Variants in PCDHA8 observed in about 807,000 individuals in gnomAD.
PCDHA8 encodes the protein protocadherin alpha 8.
Under a neutral mutation model 61.8 loss-of-function variants are expected in PCDHA8, and 53 were observed. That is an observed-to-expected ratio of 0.86 (90% CI 0.69 to 1.08). The LOEUF is 1.08. Ranked by LOEUF, PCDHA8 falls within the 50% of genes least tolerant of loss-of-function variation. The pLI is 0.00. For missense variants in PCDHA8, 1,293 were observed against 1,245.0 expected, an observed-to-expected ratio of 1.04 and a Z score of -0.58; for synonymous variants, 618 against 556.6, an observed-to-expected ratio of 1.11 and a Z score of -1.55.
chr5:140,848,884 C>T, intron 1 of PCDHA8: 2 of 1,591,388 alleles, frequency 1.3e-6, no homozygotes, highest in South Asian at 1.1e-5. Flanking sequence ...AACGACAACC[C>T]TCCAGTGTTC....
intron 3 of PCDHA8, among the ~76,000 whole-genome samples, chr5:140,987,826 G>T (rs1481540038): frequency 6.6e-6 from 1 of 152,014 alleles, no homozygotes; most frequent in Non-Finnish European, 1.5e-5. Flanking sequence ...TTTCCTTAGG[G>T]GATTGCTTTT....
intron 1 of PCDHA8, chr5:140,967,630 C>T (rs1278035224): frequency 3.7e-6 from 6 of 1,613,982 alleles, no homozygotes; most frequent in Non-Finnish European, 5.1e-6. Context: ...ATGAGGGCTC[C>T]AATGGTGAGC....
chr5:140,967,836 A>G, intron 1 of PCDHA8: 1 of 1,614,136 alleles, frequency 6.2e-7, no homozygotes, highest in African/African-American at 1.3e-5. Flanking sequence ...GACATCGTGG[A>G]CGTGAATGAC....
chr5:140,870,560 A>G, intron 1 of PCDHA8: 1 of 1,614,000 alleles, frequency 6.2e-7, no homozygotes, highest in Middle Eastern at 1.7e-4. Flanking sequence ...GCGCAGGAGA[A>G]CGCGCTGGTG....
chr5:140,863,163 G>A (rs1554157882), intron 1 of PCDHA8: 4 of 658,702 alleles, frequency 6.1e-6, no homozygotes, highest in Non-Finnish European at 1.1e-5. Flanking sequence ...ACTGCGAGCT[G>A]GCGCTGACTG....
chr5:140,882,020 C>CA, intron 1 of PCDHA8: 1 of 561,726 alleles, frequency 1.8e-6, no homozygotes, highest in East Asian at 3.1e-5. Context: ...AATACTACAT[C>CA]AATGGAAAAT....
At chr5:140,932,633 A>T (rs1192123242) in intron 1 of PCDHA8, among the ~76,000 whole-genome samples, 1 of 151,912 alleles carries the variant, frequency 6.6e-6, no homozygotes, top group African/African-American at 2.4e-5. Flanking sequence ...ACACTAAAAA[A>T]CTTTAGAATG....
chr5:140,915,634 CT>C (rs782528552), intron 1 of PCDHA8, among the ~76,000 whole-genome samples: 9 of 150,114 alleles, frequency 6.0e-5, no homozygotes, highest in Non-Finnish European at 1.3e-4. Context: ...CTGTCTCTCT[CT>C]CTCTCTCTCT....
chr5:140,914,928 T>C lies in PCDHA8; in HGVS notation c.2395-64021T>C, dbSNP rs75399267. On this transcript the variant is annotated intron_variant, in intron 1 of 3. Coordinates refer to ENST00000531613, the MANE Select transcript of PCDHA8 (RefSeq NM_018911.3). ...TGTTTCTCTGTGTCTTATTGTACTA[T>C]GTTGTGAAAAGTTGTCTTTTTTTTT... Among the ~76,000 whole-genome samples the C allele has an allele frequency of 4.6e-3, 691 of 150,904 alleles. 3 individuals carry two copies. The highest frequency in any genetic ancestry group is 0.016 in the African/African-American group (668 of 41,182).
In PCDHA8 at chr5:140,967,658, A is replaced by C. The variant is rs1554229743; in HGVS notation, c.2395-11291A>C. ...TGGTGAGCTCAGGTACTCCTTGAGC[A>C]GCTACACGTCGGACCGGGAGAGGCA... On this transcript the variant is annotated intron_variant, in intron 1 of 3. Coordinates refer to ENST00000531613, the MANE Select transcript of PCDHA8 (RefSeq NM_018911.3). 3 of 1,614,058 alleles carry C rather than the reference A, an allele frequency of 1.9e-6. No individual in the cohort carries two copies. The highest frequency in any genetic ancestry group is 1.7e-5 in the Admixed American group (1 of 60,008).
rs781982422 is a variant in PCDHA8 at position 140,871,325 on chromosome 5, C to T, written c.2394+27610C>T. 4 of 1,613,988 alleles carry T rather than the reference C, an allele frequency of 2.5e-6. No individual in the cohort carries two copies. Among genetic ancestry groups the T allele is most frequent in the Non-Finnish European group, 3.4e-6 (4 of 1,180,038 alleles). On this transcript the variant is annotated intron_variant, in intron 1 of 3. Coordinates refer to ENST00000531613, the MANE Select transcript of PCDHA8 (RefSeq NM_018911.3). ...CCGGGGAAGCCCACGCTGGTGTGCTCCCGCGCGGTGGGGAGCTGGTCATAC... is the reference window on the plus strand; with the variant it reads ...CCGGGGAAGCCCACGCTGGTGTGCTTCCGCGCGGTGGGGAGCTGGTCATAC...
chr5:140,979,999 C>G (rs1563478157), intron 2 of PCDHA8, among the ~76,000 whole-genome samples: 1 of 152,172 alleles, frequency 6.6e-6, no homozygotes, highest in African/African-American at 2.4e-5. Context: ...TTAACATACT[C>G]TCAAGCATTA....
At chr5:140,966,892 C>G (rs782364150) in intron 1 of PCDHA8, 4 of 1,595,414 alleles carry the variant, frequency 2.5e-6, no homozygotes, top group South Asian at 1.1e-5. Flanking sequence ...CTGCGGCCTC[C>G]CAGCTGCGAT....
intron 1 of PCDHA8, among the ~76,000 whole-genome samples, chr5:140,962,849 T>G (rs1434907172): frequency 6.6e-6 from 1 of 152,214 alleles, no homozygotes; most frequent in Non-Finnish European, 1.5e-5. Context: ...ATATAACTTG[T>G]GCTCGGTTTG....
At chr5:140,958,264 A>G (rs2153717297) in intron 1 of PCDHA8, among the ~76,000 whole-genome samples, 1 of 152,230 alleles carries the variant, frequency 6.6e-6, no homozygotes, top group Admixed American at 6.5e-5. Flanking sequence ...TTAATTTGGT[A>G]CAAGAAGTAT....
intron 1 of PCDHA8, among the ~76,000 whole-genome samples, chr5:140,906,486 A>G (rs2072686991): frequency 6.6e-6 from 1 of 152,270 alleles, no homozygotes; most frequent in South Asian, 2.1e-4. Context: ...GTATAAATGC[A>G]CAAACATGTT....
At chr5:140,984,260 A>G (rs2097093759) in intron 3 of PCDHA8, among the ~76,000 whole-genome samples, 1 of 152,172 alleles carries the variant, frequency 6.6e-6, no homozygotes, top group South Asian at 2.1e-4. Context: ...GTAAGCCACA[A>G]ACTAACTTTG....
rs192388233 is a variant in PCDHA8 at position 140,869,206 on chromosome 5, G to C, written c.2394+25491G>C. 4,858 of 1,613,972 alleles carry C rather than the reference G, an allele frequency of 3.0e-3. 14 individuals carry two copies. The highest frequency in any genetic ancestry group is 3.0e-3 in the Non-Finnish European group (3,497 of 1,179,950). On this transcript the variant is annotated intron_variant, in intron 1 of 3. Transcript: ENST00000531613. ...GGGGAGCGGCCAGCTCCACTACTCC[G>C]TCTCGGAGGAGGCCAAACACGGCAC...
At chr5:140,850,799 C>G (rs576094644) in intron 1 of PCDHA8, 1 of 1,598,148 alleles carries the variant, frequency 6.3e-7, no homozygotes, top group Non-Finnish European at 8.6e-7. Context: ...AGAAGACCGA[C>G]CTCATGGCCT....
Sources: allele counts gnomAD v4.1 joint callset (sites outside exome capture counted in the v4.1 genomes callset), GRCh38; gene constraint gnomAD v4.1.1; transcripts MANE v1.5; gene names NCBI Gene and HGNC (gene_info 2026-07-23, HGNC 2026-07-21).